Variants in SEMA3C observed in about 807,000 individuals in gnomAD.
SEMA3C encodes semaphorin-3C.
A neutral mutation model predicts 89.4 loss-of-function variants in SEMA3C; 47 were observed. The ratio of observed to expected loss-of-function variants is 0.53; its 90% CI spans 0.42 to 0.67. SEMA3C has a LOEUF of 0.67. SEMA3C is among the 30% of genes least tolerant of loss of function. SEMA3C has a pLI of 0.00. For synonymous variants in SEMA3C, 310 were observed against 320.2 expected, an observed-to-expected ratio of 0.97 and a Z score of 0.34; for missense variants, 839 against 929.1, an observed-to-expected ratio of 0.90 and a Z score of 1.26.
At position 80,743,550 on chromosome 7, in the gene SEMA3C, A is replaced by C. The variant is rs1459913080; in HGVS notation, c.*1344T>G. The stretch of plus-strand genomic sequence containing the variant: ...TCTTAAAAGGTAAATAAAAAAGCAA[A>C]AGTAGTGTTTTTAAAATATATATGA... On this transcript the variant is annotated 3_prime_UTR_variant, in exon 18 of 18. Transcript: ENST00000265361. The C allele has an allele frequency of 6.6e-6, 1 of 151,928 alleles. No homozygotes were observed. The highest frequency in any genetic ancestry group is 2.4e-5 in the African/African-American group (1 of 41,440). The allele number at this position is 151,928 out of a possible 1,614,324, so 9.4% of individuals were successfully genotyped here.
intron 4 of SEMA3C, among the ~76,000 whole-genome samples, chr7:80,826,095 C>A (rs947878429): frequency 6.6e-6 from 1 of 152,156 alleles, no homozygotes. Flanking sequence ...CCTCCAGAGT[C>A]TTCCATGGCC....
rs909436549 is a variant in SEMA3C at position 80,837,818 on chromosome 7, G to C, written c.104-9073C>G. ...ATAAATTTGCTCCTTTCCCTCCTTG[G>C]TTTTCTTTTCTCTTGAAGGCTGCCT... On this transcript the variant is annotated intron_variant, in intron 2 of 17. Transcript: ENST00000265361. 8.5e-5 allele frequency among the ~76,000 whole-genome samples: 13 copies of C among 152,116 alleles called. No individual in the cohort carries two copies. The East Asian group carries it at 2.5e-3, about 30-fold the overall frequency.
Position 80,773,161 on chromosome 7 carries a change from T to C in SEMA3C, c.1355-7918A>G, listed in dbSNP as rs1788472174. 2.0e-5 allele frequency among the ~76,000 whole-genome samples: 3 copies of C among 151,684 alleles called. No homozygotes were observed. In the South Asian group the frequency reaches 6.3e-4, roughly 32 times the overall value. Reference sequence around the variant, plus strand: ...TAGAAATGTTACAATTTTTTTTCTATTTTTAGCTAAAATAACACATTTTCT... The same window carrying C: ...TAGAAATGTTACAATTTTTTTTCTACTTTTAGCTAAAATAACACATTTTCT... On this transcript the variant is annotated intron_variant, in intron 12 of 17. Transcript: ENST00000265361.
At chr7:80,865,901 G>A (rs768113551) in intron 2 of SEMA3C, among the ~76,000 whole-genome samples, 2 of 152,076 alleles carry the variant, frequency 1.3e-5, no homozygotes, top group Non-Finnish European at 2.9e-5. Flanking sequence ...TATTTATTTT[G>A]TGGCATTTGA....
intron 12 of SEMA3C, among the ~76,000 whole-genome samples, chr7:80,781,666 G>C (rs967401852): frequency 1.3e-5 from 2 of 152,144 alleles, no homozygotes; most frequent in African/African-American, 4.8e-5. Context: ...GTCTGCCTCA[G>C]GGAAACTTGG....
chr7:80,878,620 T>TAGATA (rs1429719302), intron 2 of SEMA3C, among the ~76,000 whole-genome samples: 1 of 152,080 alleles, frequency 6.6e-6, no homozygotes, highest in Non-Finnish European at 1.5e-5. Context: ...GGATCCAAGT[T>TAGATA]AGATATCTTA....
intron 2 of SEMA3C, among the ~76,000 whole-genome samples, chr7:80,835,623 G>A (rs1001620645): frequency 3.3e-5 from 5 of 152,156 alleles, no homozygotes; most frequent in South Asian, 2.1e-4. Context: ...AAACTTCAGC[G>A]GACTGAAACT....
chr7:80,807,745 A>C (rs1789376039), intron 6 of SEMA3C, among the ~76,000 whole-genome samples: 1 of 152,164 alleles, frequency 6.6e-6, no homozygotes, highest in Non-Finnish European at 1.5e-5. Flanking sequence ...TTGGAATTCT[A>C]ATTCTTCAGG....
At chr7:80,791,016 C>A (rs938778058) in intron 11 of SEMA3C, among the ~76,000 whole-genome samples, 1 of 152,098 alleles carries the variant, frequency 6.6e-6, no homozygotes, top group African/African-American at 2.4e-5. Flanking sequence ...ATCTGGCCTG[C>A]AATTTTGGTG....
intron 17 of SEMA3C, among the ~76,000 whole-genome samples, 173 bp downstream of exon 17, chr7:80,748,725 C>A (rs531350881): frequency 1.3e-5 from 2 of 152,256 alleles, no homozygotes; most frequent in African/African-American, 4.8e-5. Context: ...CCTAATTAAT[C>A]CATCAATTCT....
intron 2 of SEMA3C, among the ~76,000 whole-genome samples, chr7:80,862,455 T>G (rs913918215): frequency 6.6e-6 from 1 of 152,048 alleles, no homozygotes; most frequent in African/African-American, 2.4e-5. Flanking sequence ...CACCAACAAA[T>G]GGAAACACAT....
intron 2 of SEMA3C, among the ~76,000 whole-genome samples, chr7:80,846,560 G>T (rs1338337155): frequency 6.6e-6 from 1 of 151,954 alleles, no homozygotes; most frequent in African/African-American, 2.4e-5. Flanking sequence ...AGAACTCTTG[G>T]CCTCAAGTAA....
chr7:80,891,578 CCTAT>C (rs1211602615), intron 2 of SEMA3C, among the ~76,000 whole-genome samples: 2 of 151,336 alleles, frequency 1.3e-5, no homozygotes, highest in African/African-American at 4.9e-5. Flanking sequence ...TCTTTGCACA[CCTAT>C]CTTTGTTTTA....
At chr7:80,901,871 G>A (rs545470451) in intron 2 of SEMA3C, among the ~76,000 whole-genome samples, 1 of 152,142 alleles carries the variant, frequency 6.6e-6, no homozygotes, top group Non-Finnish European at 1.5e-5. Flanking sequence ...TATAATGAAA[G>A]ACATTATATT....
At chr7:80,870,651 C>T (rs914246269) in intron 2 of SEMA3C, among the ~76,000 whole-genome samples, 2 of 152,164 alleles carry the variant, frequency 1.3e-5, no homozygotes, top group African/African-American at 2.4e-5. Context: ...CTTAAACTGA[C>T]GCATAGAGAC....
intron 2 of SEMA3C, among the ~76,000 whole-genome samples, chr7:80,842,360 T>C (rs750412111): frequency 8.4e-4 from 128 of 152,170 alleles, no homozygotes; most frequent in Non-Finnish European, 1.6e-3. Context: ...GAGATCAGTG[T>C]TGCACTTTGC....
chr7:80,888,652 C>T (rs767638085), intron 2 of SEMA3C, among the ~76,000 whole-genome samples: 85 of 151,990 alleles, frequency 5.6e-4, no homozygotes, highest in Non-Finnish European at 9.3e-4. Flanking sequence ...TCTGAATTTT[C>T]ATTTATGTCA....
chr7:80,755,615 A>G (rs1002536868), intron 15 of SEMA3C, among the ~76,000 whole-genome samples: 3 of 151,856 alleles, frequency 2.0e-5, no homozygotes, highest in Admixed American at 6.6e-5. Context: ...CTTCAGTACT[A>G]TATCTGCTTA....
intron 3 of SEMA3C, among the ~76,000 whole-genome samples, chr7:80,827,763 A>T (rs944170650): frequency 6.6e-6 from 1 of 152,150 alleles, no homozygotes; most frequent in Non-Finnish European, 1.5e-5. Context: ...TTATTAACAT[A>T]AATGTGAACA....
Sources: allele counts gnomAD v4.1 joint callset (sites outside exome capture counted in the v4.1 genomes callset), GRCh38; gene constraint gnomAD v4.1.1; transcripts MANE v1.5; gene names NCBI Gene and HGNC (gene_info 2026-07-23, HGNC 2026-07-21).